TONSL: variants seen among roughly 807,000 people sequenced by gnomAD.
TONSL encodes tonsoku-like protein.
Under a neutral mutation model 147.1 loss-of-function variants are expected in TONSL, and 112 were observed. That is an observed-to-expected ratio of 0.76 (90% CI 0.65 to 0.89). The LOEUF is 0.89. TONSL is among the 40% of genes least tolerant of loss of function. The pLI is 0.00. For missense variants in TONSL, 1,883 were observed against 1,864.6 expected, an observed-to-expected ratio of 1.01 and a Z score of -0.18; for synonymous variants, 868 against 801.5, an observed-to-expected ratio of 1.08 and a Z score of -1.40.
chr8:144,438,523 T>C lies in TONSL; in HGVS notation c.1601A>G (p.His534Arg). ...CAGCTGGCCCTCGATGCAGGCTCGG[T>C]GCAGCAGGGTCTCCCCCATGTCGTT... ...RRNDMGETLLHRACIEGQLRR... is the reference protein window; with the variant it reads ...RRNDMGETLLRRACIEGQLRR... The change falls in exon 13 of 26, where the codon CAC becomes CGC. Residue 534 changes from histidine (H) to arginine (R), a missense_variant. Physicochemically the swap from His to Arg is conservative, Grantham distance 29. Transcript: ENST00000409379. The C allele has an allele frequency of 6.2e-7, 1 of 1,612,986 alleles. No individual in the cohort carries two copies. The highest frequency in any genetic ancestry group is 8.5e-7 in the Non-Finnish European group (1 of 1,179,916).
In TONSL at chr8:144,435,116, G is replaced by A; in HGVS notation, c.2907C>T (p.Tyr969=). Residue 969 remains tyrosine (Y), a synonymous_variant, in exon 19 of 26, where the codon TAC becomes TAT. Transcript: ENST00000409379. ...WLAEQAAQRY[Y]QTCGLLPRLT... ...GCCTGGGCAGCAGCCCGCAGGTCTG[G>A]TAGTAGCGCTGGGCCGCCTGCTCGG... The A allele has an allele frequency of 1.9e-5, 30 of 1,594,574 alleles. No individual in the cohort carries two copies. The highest frequency in any genetic ancestry group is 2.5e-5 in the Non-Finnish European group (29 of 1,171,512).
intron 21 of TONSL, 59 bp from the exon 22 acceptor site, chr8:144,433,818 TG>T: frequency 6.6e-7 from 1 of 1,508,712 alleles, no homozygotes. Context: ...GGGTCCCCCT[TG>T]GGGCTTGGCT....
rs199702035 is a variant in TONSL at position 144,435,838 on chromosome 8, C to T, written c.2595G>A (p.Ser865=). ...CACGGGGCCTGCTCTCCTCACTGTC[C>T]GACCCAGAGGTACTACTGGGCCTGC... ...DNRRPSSTSG[S]DSEESRPRAR... is the part of the protein sequence containing the mutation. Residue 865 remains serine, a synonymous_variant, in exon 17 of 26, where the codon TCG becomes TCA. Transcript: ENST00000409379. 2.7e-4 allele frequency: 439 copies of T among 1,611,622 alleles called. 2 individuals are homozygous for T. Among genetic ancestry groups the T allele is most frequent in the Admixed American group, 1.7e-4 (10 of 59,928 alleles).
chr8:144,441,405 A>G, intron 7 of TONSL: 1 of 328,142 alleles, frequency 3.0e-6, no homozygotes. Flanking sequence ...ATCCTGGCTA[A>G]CATGGTGAAA....
rs937212605 is a variant in TONSL, at chr8:144,432,366, G to C, written c.3654C>G (p.Leu1218=). 6 of 1,613,294 alleles carry C rather than the reference G, an allele frequency of 3.7e-6. No homozygotes were observed. The highest frequency in any genetic ancestry group is 5.1e-6 in the Non-Finnish European group (6 of 1,179,784). The change falls in exon 23 of 26, where the codon CTC becomes CTG. Residue 1218 remains leucine, a synonymous_variant. Coordinates refer to ENST00000409379, the MANE Select transcript of TONSL (RefSeq NM_013432.5). The part of the protein sequence containing the change: ...RTLQSLPAGT[L]LHLELSSVAA... ...CCACGGAGCTGAGCTCTAAGTGCAG[G>C]AGGGTGCCGGCGGGCAGGCTCTGCA...
rs752261096 is a variant in TONSL at position 144,440,180 on chromosome 8, G to A, written c.1321C>T (p.Gln441Ter). 6.2e-7 allele frequency: 1 copy of A among 1,608,788 alleles called. No individual in the cohort carries two copies. Among genetic ancestry groups the A allele is most frequent in the South Asian group, 1.1e-5 (1 of 90,778 alleles). ...GCCTCCTGGGGCTGCAGCCTCAGCT[G>A]CACGGTATGGAGATGCTGCAAGACC... ...RQVLQHLHTV[Q>*]LRLQPQEAPE... Residue 441 changes from glutamine (Q) to a stop codon, truncating the protein, a stop_gained, in exon 11 of 26, where the codon CAG becomes TAG. Coordinates refer to ENST00000409379, the MANE Select transcript of TONSL (RefSeq NM_013432.5). LOFTEE classifies it high-confidence loss of function.
Position 144,444,317 on chromosome 8 carries a change from C to T in TONSL, c.26-42G>A, listed in dbSNP as rs761498984. ...AGGGCTGGGCCTCCGCGGCGGGGTC[C>T]GGGGCCGGGGCCGAGTCCCAAGCCC... On this transcript the variant is annotated intron_variant, in intron 1 of 25. Coordinates refer to ENST00000409379, the MANE Select transcript of TONSL (RefSeq NM_013432.5). 1,989 of 1,333,138 alleles carry T rather than the reference C, an allele frequency of 1.5e-3. 11 individuals carry two copies. The highest frequency in any genetic ancestry group is 1.7e-3 in the Admixed American group (46 of 27,626). The allele number at this position is 1,333,138 out of a possible 1,614,324, so 82.6% of individuals were successfully genotyped here. A position where few individuals can be genotyped will look rare whatever the true frequency, so the allele number is the denominator to read the frequency against.
chr8:144,432,285 C>T lies in TONSL; in HGVS notation c.3735G>A (p.Lys1245=). Residue 1245 remains lysine (K), a splice_region_variant and synonymous_variant, in exon 23 of 26, where the codon AAG becomes AAA. Coordinates refer to ENST00000409379, the MANE Select transcript of TONSL (RefSeq NM_013432.5). ...TTCTGGGTTCTTCCCCACCTCGTAC[C>T]TTGGCCAGGTATCGGAATACAGGCT... ...LMEPVFRYLA[K]EGCALAHLTL... 6.2e-7 allele frequency: 1 copy of T among 1,613,568 alleles called. No individual in the cohort carries two copies. Among genetic ancestry groups the T allele is most frequent in the Non-Finnish European group, 8.5e-7 (1 of 1,179,840 alleles).
intron 3 of TONSL, 32 bp downstream of exon 3, chr8:144,443,850 G>T (rs1196656695): frequency 6.5e-7 from 1 of 1,541,252 alleles, no homozygotes. Flanking sequence ...GAGGCCGACC[G>T]GGCTGGACGA....
chr8:144,436,452 C>T, intron 16 of TONSL, 34 bp from the exon 17 acceptor site: 1 of 1,533,832 alleles, frequency 6.5e-7, no homozygotes, highest in Non-Finnish European at 8.7e-7. Context: ...GAGGCAGGGG[C>T]CCGGCACCTC....
At chr8:144,434,981 C>T in intron 19 of TONSL, 36 bp downstream of exon 19, 1 of 1,611,644 alleles carries the variant, frequency 6.2e-7, no homozygotes, top group Non-Finnish European at 8.5e-7. Context: ...CTCCCGGTGC[C>T]TGAGGCCCTG....
chr8:144,440,245 G>C (rs1383516182), intron 10 of TONSL, 35 bp from the exon 11 acceptor site: 2 of 1,569,092 alleles, frequency 1.3e-6, no homozygotes, highest in African/African-American at 1.4e-5. Flanking sequence ...TCAGGACTGG[G>C]GGCTGTGGAC....
chr8:144,429,142 G>A lies in TONSL; in HGVS notation c.*1C>T. 6.5e-7 allele frequency: 1 copy of A among 1,528,038 alleles called. No individual in the cohort carries two copies. 94.7% of individuals were successfully genotyped at this position (1,528,038 alleles called of 1,614,324 possible). Reference sequence around the variant, plus strand: ...GAGGGTGGGGAAAGGCAGCGCCAGGGTCAGAGGCGCCGAAAGAAGAGCTTG... The same window carrying A: ...GAGGGTGGGGAAAGGCAGCGCCAGGATCAGAGGCGCCGAAAGAAGAGCTTG... On this transcript the variant is annotated 3_prime_UTR_variant, in exon 26 of 26. Transcript: ENST00000409379.
At chr8:144,444,115 G>C in intron 2 of TONSL, 65 bp downstream of exon 2, 1 of 1,301,902 alleles carries the variant, frequency 7.7e-7, no homozygotes, top group South Asian at 2.3e-5. Flanking sequence ...TCGCCCCCCG[G>C]CCCCCGATCC....
chr8:144,439,794 C>T, intron 11 of TONSL: 1 of 543,638 alleles, frequency 1.8e-6, no homozygotes, highest in African/African-American at 2.0e-5. Flanking sequence ...CCCCAGCTGA[C>T]ACTCACTCGA....
At chr8:144,435,448 G>A in intron 18 of TONSL, 26 bp downstream of exon 18, 1 of 1,516,048 alleles carries the variant, frequency 6.6e-7, no homozygotes, top group Non-Finnish European at 8.9e-7. Context: ...CAGGTGGGCT[G>A]CGGGGTAGGG....
chr8:144,443,849 C>G, intron 3 of TONSL, 33 bp downstream of exon 3: 1 of 1,540,832 alleles, frequency 6.5e-7, no homozygotes, highest in Non-Finnish European at 8.7e-7. Flanking sequence ...AGAGGCCGAC[C>G]GGGCTGGACG....
chr8:144,430,808 A>G (rs1823156706), intron 24 of TONSL, among the ~76,000 whole-genome samples: 2 of 152,186 alleles, frequency 1.3e-5, no homozygotes, highest in Admixed American at 6.5e-5. Flanking sequence ...AGGTCATAAG[A>G]GCAGTGCCCT....
Position 144,435,092 on chromosome 8 carries a change from C to A in TONSL, c.2931G>T (p.Arg977Ser). The A allele has an allele frequency of 1.2e-6, 2 of 1,605,254 alleles. No individual in the cohort carries two copies. Among genetic ancestry groups the A allele is most frequent in the Non-Finnish European group, 1.7e-6 (2 of 1,176,548 alleles). Residue 977 changes from arginine to serine, a missense_variant, in exon 19 of 26, where the codon AGG becomes AGT. Physicochemically the swap from Arg to Ser is moderately radical, Grantham distance 110 (BLOSUM62 -1). Transcript: ENST00000409379. ...GGGCCCCCTCTTTCCGTAGGGTGAG[C>A]CTGGGCAGCAGCCCGCAGGTCTGGT... ...RYYQTCGLLP[R>S]LTLRKEGALL...
Sources: allele counts gnomAD v4.1 joint callset (sites outside exome capture counted in the v4.1 genomes callset), GRCh38; gene constraint gnomAD v4.1.1; transcripts MANE v1.5; gene names NCBI Gene and HGNC (gene_info 2026-07-23, HGNC 2026-07-21).